KHDRBS2: variants seen among roughly 807,000 people sequenced by gnomAD.
KHDRBS2 encodes KH RNA binding domain containing, signal transduction associated 2, also known as KH domain-containing, RNA-binding, signal transduction-associated protein 2.
In KHDRBS2, 26 loss-of-function variants were observed where a neutral mutation model predicts 44.3. The observed-to-expected ratio is 0.59, with a 90% CI of 0.43 to 0.81. The LOEUF is 0.81. KHDRBS2 is among the 40% of genes least tolerant of loss of function. The probability of loss-of-function intolerance (pLI) is 0.00; values close to 1 mark genes in which losing one functional copy is unlikely to be tolerated. For missense variants in KHDRBS2, 476 were observed against 433.1 expected (o/e 1.10, Z -0.88); for synonymous variants, 194 against 151.1 (o/e 1.28, Z -2.08).
At chr6:62,240,554 C>T (rs1202445168) in intron 1 of KHDRBS2, among the ~76,000 whole-genome samples, 2 of 149,850 alleles carry the variant, frequency 1.3e-5, no homozygotes, top group East Asian at 3.9e-4. Flanking sequence ...TATTTATAAG[C>T]ATCTGTCACT....
At chr6:61,988,789 T>C (rs1775561386) in intron 3 of KHDRBS2, among the ~76,000 whole-genome samples, 1 of 152,182 alleles carries the variant, frequency 6.6e-6, no homozygotes, top group Non-Finnish European at 1.5e-5. Flanking sequence ...TTTCCACTGT[T>C]TGAAGGATTC....
At chr6:61,872,488 A>G (rs1798801516) in intron 6 of KHDRBS2, among the ~76,000 whole-genome samples, 1 of 152,160 alleles carries the variant, frequency 6.6e-6, no homozygotes, top group South Asian at 2.1e-4. Flanking sequence ...CAGAATAATG[A>G]CATTGATAAT....
chr6:61,972,445 T>A (rs74360667), intron 4 of KHDRBS2, among the ~76,000 whole-genome samples: 1,838 of 152,276 alleles, frequency 0.012, 29 homozygotes, highest in African/African-American at 0.041. Flanking sequence ...GAAATATTTC[T>A]GAGCAACTAA....
At chr6:61,886,641 T>G (rs1035819424) in intron 6 of KHDRBS2, among the ~76,000 whole-genome samples, 3 of 152,176 alleles carry the variant, frequency 2.0e-5, no homozygotes, top group African/African-American at 7.2e-5. Flanking sequence ...TTCAAAGCAC[T>G]TTACTTAGAA....
intron 2 of KHDRBS2, among the ~76,000 whole-genome samples, chr6:62,121,938 G>A (rs1807750922): frequency 6.6e-6 from 1 of 152,148 alleles, no homozygotes; most frequent in Admixed American, 6.5e-5. Context: ...AGGATAAGTT[G>A]CTGCATTTGG....
intron 4 of KHDRBS2, among the ~76,000 whole-genome samples, chr6:61,911,645 G>T (rs1392352200): frequency 2.0e-5 from 3 of 151,696 alleles, no homozygotes; most frequent in Admixed American, 2.0e-4. Context: ...TTTTGTTTTA[G>T]AAAGAAGGAC....
the KHDRBS2 span, among the ~76,000 whole-genome samples, chr6:61,567,294 T>C: frequency 6.6e-6 from 1 of 152,236 alleles, no homozygotes; most frequent in East Asian, 1.9e-4. Context: ...CAAGGGCCTA[T>C]ATTCAAGAAG....
In KHDRBS2 at chr6:61,920,091, A is replaced by T. The variant is rs1274329649; in HGVS notation, c.484-18720T>A. 3.9e-5 allele frequency among the ~76,000 whole-genome samples: 6 copies of T among 152,004 alleles called. No homozygotes were observed. The East Asian group carries it at 1.2e-3, about 29-fold the overall frequency. On this transcript the variant is annotated intron_variant, in intron 4 of 8. Coordinates refer to ENST00000281156, the MANE Select transcript of KHDRBS2 (RefSeq NM_152688.4). ...GGTAAAATTTGCATTGCTTAATTTC[A>T]TGATAAAATTTATTTGTGTCATGCC...
At chr6:61,959,493 C>T (rs889769436) in intron 4 of KHDRBS2, among the ~76,000 whole-genome samples, 25 of 152,036 alleles carry the variant, frequency 1.6e-4, no homozygotes, top group African/African-American at 2.9e-4. Flanking sequence ...TCCTGTCATT[C>T]GGCTCACATG....
chr6:61,960,722 T>C (rs1768490950), intron 4 of KHDRBS2, among the ~76,000 whole-genome samples: 1 of 152,166 alleles, frequency 6.6e-6, no homozygotes, highest in South Asian at 2.1e-4. Context: ...ATGAAAATGA[T>C]CAATTTTTCT....
intron 1 of KHDRBS2, among the ~76,000 whole-genome samples, chr6:62,220,052 A>G (rs146760525): frequency 0.015 from 2,306 of 151,346 alleles, 21 homozygotes; most frequent in Middle Eastern, 0.038. Flanking sequence ...AGTAGGGAAA[A>G]AAGAAATTTC....
chr6:62,213,821 C>A (rs1234588111), intron 1 of KHDRBS2, among the ~76,000 whole-genome samples: 1 of 132,560 alleles, frequency 7.5e-6, no homozygotes, highest in Non-Finnish European at 1.5e-5. Flanking sequence ...TTGCAGTGAG[C>A]CGAGATCACG....
chr6:61,756,645 T>A (rs926527657), intron 6 of KHDRBS2, among the ~76,000 whole-genome samples: 6 of 152,198 alleles, frequency 3.9e-5, no homozygotes, highest in African/African-American at 1.4e-4. Context: ...CTTTAGGAAA[T>A]AAACAGCAGT....
chr6:61,848,485 A>AC (rs1442968974), intron 6 of KHDRBS2, among the ~76,000 whole-genome samples: 3 of 46,110 alleles, frequency 6.5e-5, no homozygotes, highest in African/African-American at 4.4e-4. Context: ...ATATATATAT[A>AC]TATATGTATA....
chr6:62,136,372 T>G (rs1811524580), intron 2 of KHDRBS2, among the ~76,000 whole-genome samples: 1 of 152,212 alleles, frequency 6.6e-6, no homozygotes, highest in Non-Finnish European at 1.5e-5. Context: ...TCAAATCATA[T>G]AGCTGAACAC....
chr6:62,144,780 A>C (rs2150100893), intron 2 of KHDRBS2, among the ~76,000 whole-genome samples: 1 of 152,128 alleles, frequency 6.6e-6, no homozygotes, highest in South Asian at 2.1e-4. Context: ...AAGGTACGTG[A>C]AAGATCTGAG....
Position 62,211,972 on chromosome 6 carries a change from A to G in KHDRBS2, c.92-34660T>C, listed in dbSNP as rs138095713. ...ACATATACACAATGGAATACTATGCAGCCATAAAAAAGAATGAGATCATGT... is the reference window on the plus strand; with the variant it reads ...ACATATACACAATGGAATACTATGCGGCCATAAAAAAGAATGAGATCATGT... On this transcript the variant is annotated intron_variant, in intron 1 of 8. Transcript: ENST00000281156. Among the ~76,000 whole-genome samples the G allele has an allele frequency of 6.8e-4, 103 of 152,326 alleles. 1 individual carries two copies. The East Asian group carries it at 0.019, about 28-fold the overall frequency.
intron 6 of KHDRBS2, among the ~76,000 whole-genome samples, chr6:61,829,204 C>T (rs1791399326): frequency 6.6e-6 from 1 of 152,184 alleles, no homozygotes; most frequent in African/African-American, 2.4e-5. Flanking sequence ...CTCTGTCGCC[C>T]AGGTTGGAGT....
intron 7 of KHDRBS2, among the ~76,000 whole-genome samples, chr6:61,716,934 T>C (rs1037096010): frequency 6.6e-5 from 10 of 152,176 alleles, no homozygotes; most frequent in African/African-American, 2.4e-4. Flanking sequence ...TCTTGTTTCC[T>C]CCTGAGGAGT....
Sources: allele counts gnomAD v4.1 joint callset (sites outside exome capture counted in the v4.1 genomes callset), GRCh38; gene constraint gnomAD v4.1.1; transcripts MANE v1.5; gene names NCBI Gene and HGNC (gene_info 2026-07-23, HGNC 2026-07-21).